Variants in PLPPR1 observed in about 807,000 individuals in gnomAD.
PLPPR1 encodes phospholipid phosphatase-related protein type 1.
In PLPPR1, 10 loss-of-function variants were observed where a neutral mutation model predicts 33.1. The observed-to-expected ratio is 0.30, with a 90% CI of 0.19 to 0.51. The LOEUF (loss-of-function observed/expected upper bound fraction) is 0.51, where lower values mean the gene tolerates loss of function less well. Ranked by LOEUF, PLPPR1 falls within the 20% of genes least tolerant of loss-of-function variation. The pLI is 0.97. For synonymous variants in PLPPR1, 151 were observed against 151.0 expected, an observed-to-expected ratio of 1.00 and a Z score of 0.00; for missense variants, 304 against 408.1, an observed-to-expected ratio of 0.74 and a Z score of 2.20.
At chr9:101,082,156 G>A (rs1481893355) in intron 1 of PLPPR1, among the ~76,000 whole-genome samples, 1 of 152,136 alleles carries the variant, frequency 6.6e-6, no homozygotes, top group Non-Finnish European at 1.5e-5. Context: ...CTAGCTATGG[G>A]TTTGAAAACC....
At chr9:101,250,918 T>C (rs942706780) in intron 2 of PLPPR1, among the ~76,000 whole-genome samples, 1 of 152,058 alleles carries the variant, frequency 6.6e-6, no homozygotes, top group Non-Finnish European at 1.5e-5. Context: ...TGACTGTTGC[T>C]TTCTCTGCAG....
At chr9:101,180,163 TACACACAC>T (rs1189745449) in intron 1 of PLPPR1, among the ~76,000 whole-genome samples, 1 of 87,556 alleles carries the variant, frequency 1.1e-5, no homozygotes, top group African/African-American at 4.1e-5. Flanking sequence ...CACACACACA[TACACACAC>T]ACACAGACAC....
intron 1 of PLPPR1, chr9:101,125,444 A>C (rs1428917295): frequency 4.3e-6 from 1 of 230,818 alleles, no homozygotes; most frequent in African/African-American, 2.3e-5. Flanking sequence ...CTTTCCTGGA[A>C]ACCTTTTTTA....
intron 1 of PLPPR1, among the ~76,000 whole-genome samples, chr9:101,173,038 T>A (rs893624634): frequency 2.6e-5 from 4 of 152,128 alleles, no homozygotes; most frequent in African/African-American, 9.7e-5. Flanking sequence ...GTTAAGATTG[T>A]CTTCAGTGCT....
At chr9:101,299,800 C>T (rs1828716045) in intron 4 of PLPPR1, among the ~76,000 whole-genome samples, 1 of 152,120 alleles carries the variant, frequency 6.6e-6, no homozygotes, top group Non-Finnish European at 1.5e-5. Context: ...CATTCTCTGC[C>T]AGATAATTCT....
At chr9:101,075,230 A>G (rs1234583694) in intron 1 of PLPPR1, among the ~76,000 whole-genome samples, 1 of 152,238 alleles carries the variant, frequency 6.6e-6, no homozygotes. Flanking sequence ...GTTAAGAGTC[A>G]TATGCCTGAG....
intron 1 of PLPPR1, among the ~76,000 whole-genome samples, chr9:101,039,120 G>C (rs1830046072): frequency 6.6e-6 from 1 of 152,080 alleles, no homozygotes; most frequent in Non-Finnish European, 1.5e-5. Context: ...CATGATAGTA[G>C]CATAAATAGA....
intron 4 of PLPPR1, among the ~76,000 whole-genome samples, chr9:101,291,596 C>T (rs1429431281): frequency 6.6e-6 from 1 of 152,290 alleles, no homozygotes; most frequent in South Asian, 2.1e-4. Flanking sequence ...GACAAAACTT[C>T]CAGAGGAATG....
chr9:101,170,951 A>G (rs897660603), intron 1 of PLPPR1, among the ~76,000 whole-genome samples: 1 of 152,088 alleles, frequency 6.6e-6, no homozygotes, highest in Admixed American at 6.6e-5. Context: ...TAAAAAAAAG[A>G]AAAGAAAATG....
intron 4 of PLPPR1, among the ~76,000 whole-genome samples, chr9:101,289,371 C>T (rs147453626): frequency 3.9e-5 from 6 of 152,292 alleles, no homozygotes; most frequent in African/African-American, 1.2e-4. Flanking sequence ...AATTTATGAT[C>T]GCTTGGAGAA....
At chr9:101,197,773 T>C (rs1826424267) in intron 2 of PLPPR1, among the ~76,000 whole-genome samples, 1 of 152,246 alleles carries the variant, frequency 6.6e-6, no homozygotes, top group South Asian at 2.1e-4. Flanking sequence ...CATTAAATTA[T>C]TGATGTGTGT....
intron 3 of PLPPR1, among the ~76,000 whole-genome samples, chr9:101,283,939 C>T (rs1471789949): frequency 6.6e-6 from 1 of 152,040 alleles, no homozygotes; most frequent in Non-Finnish European, 1.5e-5. Context: ...GATATAATCT[C>T]ACACCTGTTA....
At chr9:101,234,445 A>G (rs1827253612) in intron 2 of PLPPR1, among the ~76,000 whole-genome samples, 1 of 151,938 alleles carries the variant, frequency 6.6e-6, no homozygotes, top group Non-Finnish European at 1.5e-5. Flanking sequence ...TTACAAATTT[A>G]TAATTTATTA....
intron 2 of PLPPR1, among the ~76,000 whole-genome samples, chr9:101,237,492 A>G (rs1827326410): frequency 6.6e-6 from 1 of 150,998 alleles, no homozygotes; most frequent in African/African-American, 2.4e-5. Flanking sequence ...AAAATTAAGG[A>G]CACATTAAAC....
chr9:101,047,134 C>A (rs908904340), intron 1 of PLPPR1, among the ~76,000 whole-genome samples: 3 of 152,190 alleles, frequency 2.0e-5, no homozygotes, highest in Non-Finnish European at 2.9e-5. Context: ...GATAATACAT[C>A]TTTTCTTCCC....
intron 2 of PLPPR1, among the ~76,000 whole-genome samples, chr9:101,261,242 CATTATT>C (rs1270657995): frequency 1.3e-5 from 2 of 152,090 alleles, no homozygotes; most frequent in African/African-American, 4.8e-5. Flanking sequence ...CAGTAAGAGT[CATTATT>C]ATTATTTCTT....
intron 1 of PLPPR1, among the ~76,000 whole-genome samples, chr9:101,100,744 G>T (rs1460012254): frequency 6.7e-6 from 1 of 148,730 alleles, no homozygotes; most frequent in Non-Finnish European, 1.5e-5. Flanking sequence ...TGTGTTCCTA[G>T]TTCATATTTA....
chr9:101,159,654 G>T (rs1000358611), intron 1 of PLPPR1, among the ~76,000 whole-genome samples: 8 of 152,158 alleles, frequency 5.3e-5, no homozygotes, highest in African/African-American at 1.9e-4. Flanking sequence ...CTAAAAGAGA[G>T]ACCAGTTAGA....
intron 1 of PLPPR1, among the ~76,000 whole-genome samples, chr9:101,167,046 G>GAA (rs5899433): frequency 5.2e-5 from 5 of 95,612 alleles, no homozygotes; most frequent in African/African-American, 2.0e-4. Flanking sequence ...AAGATCTATT[G>GAA]AAAAAAAAAA....
Sources: allele counts gnomAD v4.1 joint callset (sites outside exome capture counted in the v4.1 genomes callset), GRCh38; gene constraint gnomAD v4.1.1; transcripts MANE v1.5; gene names NCBI Gene and HGNC (gene_info 2026-07-23, HGNC 2026-07-21).